Variants in UFD1 observed in about 807,000 individuals in gnomAD.
UFD1 encodes the protein ubiquitin recognition factor in ER-associated degradation protein 1.
In UFD1, 13 loss-of-function variants were observed where a neutral mutation model predicts 45.9. The ratio of observed to expected loss-of-function variants is 0.28; its 90% CI spans 0.18 to 0.45. The LOEUF (loss-of-function observed/expected upper bound fraction) is 0.45. Ranked by LOEUF, UFD1 falls within the 20% of genes least tolerant of loss-of-function variation. The probability of loss-of-function intolerance (pLI) is 1.00; values close to 1 mark genes in which losing one functional copy is unlikely to be tolerated. For missense variants in UFD1, 218 were observed against 389.2 expected (o/e 0.56, Z 3.70); for synonymous variants, 128 against 139.2 (o/e 0.92, Z 0.56).
intron 6 of UFD1, among the ~76,000 whole-genome samples, chr22:19,463,507 G>A (rs995765372): frequency 1.3e-5 from 2 of 152,162 alleles, no homozygotes; most frequent in African/African-American, 4.8e-5. Context: ...CTCTGCTTTG[G>A]TGTAGTTTAA....
rs534586284 is a variant in UFD1 at position 19,474,977 on chromosome 22, C to T, written c.169+91G>A. 1.6e-3 allele frequency: 2,083 copies of T among 1,279,618 alleles called. 5 individuals carry two copies. Among genetic ancestry groups the T allele is most frequent in the Non-Finnish European group, 2.1e-3 (1,954 of 910,976 alleles). 79.3% of individuals were successfully genotyped at this position (1,279,618 alleles called of 1,614,324 possible). A position where few individuals can be genotyped will look rare whatever the true frequency, so the allele number is the denominator to read the frequency against. ...CACAACCAGATGCTGACAAAGGGCA[C>T]TGGTGTCTGGATGTACTGAGGAGCC... On this transcript the variant is annotated intron_variant, in intron 3 of 11. Transcript: ENST00000263202.
At chr22:19,460,547 GT>G (rs1453352759) in intron 6 of UFD1, among the ~76,000 whole-genome samples, 2 of 152,080 alleles carry the variant, frequency 1.3e-5, no homozygotes, top group East Asian at 3.9e-4. Flanking sequence ...GGAAGACCTA[GT>G]TTTTAAAAAT....
intron 6 of UFD1, among the ~76,000 whole-genome samples, chr22:19,462,468 C>T (rs183897015): frequency 1.8e-3 from 280 of 152,156 alleles, no homozygotes; most frequent in Non-Finnish European, 3.2e-3. Flanking sequence ...GAGTTCGAGA[C>T]CAGCCTGGCC....
In UFD1 at chr22:19,456,623, G is replaced by C; in HGVS notation, c.642C>G (p.Ala214=). 1 of 1,614,092 alleles carries C rather than the reference G, an allele frequency of 6.2e-7. No homozygotes were observed. The highest frequency in any genetic ancestry group is 8.5e-7 in the Non-Finnish European group (1 of 1,180,022). The change falls in exon 9 of 12, where the codon GCC becomes GCG. Residue 214 remains alanine (A), a synonymous_variant. Transcript: ENST00000263202. ...GCTCTCCAGCATAGCCACTGTGGTC[G>C]GCTTCACCTTCCTGACAGGGAAAAA... The part of the protein sequence containing the change: ...VQHEESTEGE[A]DHSGYAGELG...
chr22:19,456,856 C>G lies in UFD1; in HGVS notation c.627G>C (p.Ser209=). The change falls in exon 8 of 12, where the codon TCG becomes TCC. Residue 209 remains serine, a synonymous_variant. Transcript: ENST00000263202. ...GGACACTGAGGATAACACTTACTGT[C>G]GACTCCTCATGCTGGACTTGTCTTT... ...EPERQVQHEE[S]TEGEADHSGY... The G allele has an allele frequency of 6.2e-7, 1 of 1,613,870 alleles. No individual in the cohort carries two copies. Among genetic ancestry groups the G allele is most frequent in the Non-Finnish European group, 8.5e-7 (1 of 1,179,870 alleles).
intron 11 of UFD1, chr22:19,454,344 C>T (rs1226902832): frequency 6.9e-6 from 7 of 1,012,674 alleles, no homozygotes; most frequent in African/African-American, 3.5e-5. Context: ...TGAATTACCA[C>T]GTGTTGTGGG....
chr22:19,465,224 A>G lies in UFD1; in HGVS notation c.473T>C (p.Ile158Thr). ...CACCTTTTCATTATAGTTGATGGCA[A>G]TCACATCCCCGGTGGTCAGACAGGC... ...NFACLTTGDV[I>T]AINYNEKIYE... The change falls in exon 6 of 12, where the codon ATT (isoleucine) becomes ACT (threonine). Residue 158 changes from isoleucine (I) to threonine (T), a missense_variant. Ile to Thr is a moderately conservative substitution (Grantham distance 89). This residue lies in a region of UFD1 where 149 missense variants were observed against 307.5 expected (regional missense o/e 0.48). Transcript: ENST00000263202. The G allele has an allele frequency of 1.9e-6, 3 of 1,614,220 alleles. No individual in the cohort carries two copies. The highest frequency in any genetic ancestry group is 3.3e-5 in the Admixed American group (2 of 60,028).
At chr22:19,471,511 C>T (rs886533399) in intron 4 of UFD1, 176 bp downstream of exon 4, 13 of 1,009,762 alleles carry the variant, frequency 1.3e-5, no homozygotes, top group Admixed American at 2.0e-5. Flanking sequence ...CCCACCAGCC[C>T]GCATAAGGCA....
chr22:19,457,997 C>G, intron 7 of UFD1, 74 bp downstream of exon 7: 1 of 1,533,286 alleles, frequency 6.5e-7, no homozygotes. Flanking sequence ...CTCCTGACAC[C>G]CTGGCCTGCA....
chr22:19,459,300 T>G (rs1272697041), intron 6 of UFD1, among the ~76,000 whole-genome samples: 1 of 152,174 alleles, frequency 6.6e-6, no homozygotes, highest in Non-Finnish European at 1.5e-5. Context: ...CTCACCTATG[T>G]AAAAAAGGCA....
At chr22:19,452,386 G>A (rs1480938940) in intron 11 of UFD1, 1 of 152,186 alleles carries the variant, frequency 6.6e-6, no homozygotes, top group East Asian at 1.9e-4. Flanking sequence ...CTGGGGGTTA[G>A]GGCTTCAACA....
intron 6 of UFD1, 97 bp from the exon 7 acceptor site, chr22:19,458,236 A>G: frequency 7.7e-7 from 1 of 1,306,902 alleles, no homozygotes; most frequent in South Asian, 1.2e-5. Context: ...CCTGCGAATG[A>G]CACAGCATTC....
At chr22:19,458,281 CT>C (rs2089739197) in intron 6 of UFD1, 142 bp from the exon 7 acceptor site, 1 of 826,066 alleles carries the variant, frequency 1.2e-6, no homozygotes, top group South Asian at 1.6e-5. Flanking sequence ...GCACTTCTTG[CT>C]GTGACAACAC....
At chr22:19,475,714 G>T in intron 1 of UFD1, 112 bp from the exon 2 acceptor site, 2 of 1,293,932 alleles carry the variant, frequency 1.5e-6, no homozygotes, top group South Asian at 1.3e-5. Context: ...AGAACACAAT[G>T]TACTGAAATC....
intron 2 of UFD1, 85 bp from the exon 3 acceptor site, chr22:19,475,185 C>T: frequency 7.2e-7 from 1 of 1,388,248 alleles, no homozygotes; most frequent in Non-Finnish European, 9.8e-7. Context: ...TTATATCTAA[C>T]AAAAAGCCTT....
At chr22:19,455,267 G>A (rs1251870266) in intron 10 of UFD1, among the ~76,000 whole-genome samples, 1 of 152,198 alleles carries the variant, frequency 6.6e-6, no homozygotes, top group Admixed American at 6.5e-5. Flanking sequence ...GCACATCTGA[G>A]GTAGCTCCTC....
intron 1 of UFD1, 43 bp downstream of exon 1, chr22:19,479,040 C>G (rs540481340): frequency 1.3e-6 from 2 of 1,596,804 alleles, no homozygotes; most frequent in African/African-American, 2.7e-5. Context: ...CCTCAGGCCC[C>G]GGGCCAAGGC....
rs763599593 is a variant in UFD1, at chr22:19,450,692, C to T, written c.902G>A (p.Arg301His). The change falls in exon 12 of 12, where the codon CGT (arginine) becomes CAT (histidine). Residue 301 changes from arginine to histidine, a missense_variant. This residue lies in a region of UFD1 where 69 missense variants were observed against 81.7 expected (regional missense o/e 0.84). Coordinates refer to ENST00000263202, the MANE Select transcript of UFD1 (RefSeq NM_005659.7). Reference sequence around the variant, plus strand: ...CACTTAGGGCTTTCTTCCCTTTTTACGCAATGACTGTCCTTCTCCAGAGAA... The same window carrying T: ...CACTTAGGGCTTTCTTCCCTTTTTATGCAATGACTGTCCTTCTCCAGAGAA... ...VAFSGEGQSL[R>H]KKGRKP The T allele has an allele frequency of 1.5e-5, 24 of 1,614,186 alleles. No individual in the cohort carries two copies. Among genetic ancestry groups the T allele is most frequent in the South Asian group, 3.3e-5 (3 of 91,088 alleles).
chr22:19,468,880 T>C (rs1282109633), intron 4 of UFD1, among the ~76,000 whole-genome samples: 1 of 151,882 alleles, frequency 6.6e-6, no homozygotes, highest in African/African-American at 2.4e-5. Flanking sequence ...GGAGTGGCAG[T>C]GAGAAGGTGA....
Sources: gnomAD v4.1 joint callset for allele counts (sites outside exome capture counted in the v4.1 genomes callset) on GRCh38, gnomAD v4.1.1 for gene constraint, gnomAD v4.1.1 regional missense constraint, MANE v1.5 for transcripts, NCBI Gene and HGNC (gene_info 2026-07-23, HGNC 2026-07-21) for gene names.